ANKFY1: variants seen among roughly 807,000 people sequenced by gnomAD.
ANKFY1 encodes the protein ankyrin repeat and FYVE domain-containing protein 1.
Under a neutral mutation model 128.3 loss-of-function variants are expected in ANKFY1, and 47 were observed. The ratio of observed to expected loss-of-function variants is 0.37; its 90% CI spans 0.29 to 0.47. ANKFY1 has a LOEUF of 0.47. Ranked by LOEUF, ANKFY1 falls within the 20% of genes least tolerant of loss-of-function variation. ANKFY1 has a pLI of 1.00. For synonymous variants in ANKFY1, 553 were observed against 601.6 expected, an observed-to-expected ratio of 0.92 and a Z score of 1.18; for missense variants, 1,222 against 1,510.6, an observed-to-expected ratio of 0.81 and a Z score of 3.17.
chr17:4,251,760 C>T (rs1265462808), intron 1 of ANKFY1, among the ~76,000 whole-genome samples: 2 of 151,992 alleles, frequency 1.3e-5, no homozygotes, highest in South Asian at 2.1e-4. Flanking sequence ...CAACAAAAAA[C>T]GCCTCATTCC....
In ANKFY1 at chr17:4,194,985, C is replaced by T. The variant is rs370239349; in HGVS notation, c.1365G>A (p.Thr455=). The change falls in exon 10 of 25, where the codon ACG becomes ACA. Residue 455 remains threonine, a synonymous_variant. Coordinates refer to ENST00000341657, the MANE Select transcript of ANKFY1 (RefSeq NM_001330063.2). ...QRGSHTDAPD[T]ATGNCLLQRA... is the part of the protein sequence containing the mutation. Reference sequence around the variant, plus strand: ...GGGAGGCACGTGCTTTACCTGTCGCCGTGTCAGGTGCGTCTGTGTGGCTGC... The same window carrying T: ...GGGAGGCACGTGCTTTACCTGTCGCTGTGTCAGGTGCGTCTGTGTGGCTGC... 52 of 1,614,076 alleles carry T rather than the reference C, an allele frequency of 3.2e-5. No individual in the cohort carries two copies. Among genetic ancestry groups the T allele is most frequent in the Admixed American group, 1.7e-5 (1 of 60,008 alleles).
intron 2 of ANKFY1, 93 bp from the exon 3 acceptor site, chr17:4,235,983 C>G: frequency 1.2e-6 from 1 of 841,486 alleles, no homozygotes; most frequent in Non-Finnish European, 1.9e-6. Flanking sequence ...GAGTATTCAT[C>G]AACATACATC....
rs560442006 is a variant in ANKFY1 at position 4,173,783 on chromosome 17, TC to T, written c.2923+125del. ...GGTTGGATGCTCTACCCAGAGCACT[TC>T]CTGTCACAGCTTTGCTCCTGTAAAA... On this transcript the variant is annotated intron_variant, in intron 20 of 24. Transcript: ENST00000341657. 4.9e-4 allele frequency: 649 copies of T among 1,320,174 alleles called. 1 individual carries two copies. Among genetic ancestry groups the T allele is most frequent in the Non-Finnish European group, 6.3e-4 (602 of 957,556 alleles). The allele number at this position is 1,320,174 out of a possible 1,614,324, so 81.8% of individuals were successfully genotyped here. A position where few individuals can be genotyped will look rare whatever the true frequency, so the allele number is the denominator to read the frequency against.
intron 3 of ANKFY1, among the ~76,000 whole-genome samples, chr17:4,219,867 G>T (rs2060279954): frequency 6.6e-6 from 1 of 152,030 alleles, no homozygotes; most frequent in African/African-American, 2.4e-5. Context: ...TGTCACCCAG[G>T]CTGGAGTGCA....
At chr17:4,237,007 G>A (rs937666755) in intron 2 of ANKFY1, among the ~76,000 whole-genome samples, 1 of 151,960 alleles carries the variant, frequency 6.6e-6, no homozygotes, top group Admixed American at 6.6e-5. Flanking sequence ...ATGGTAGCAG[G>A]CACCTGTAAT....
In ANKFY1 at chr17:4,176,018, G is replaced by A. The variant is rs139999913; in HGVS notation, c.2775+1108C>T. On this transcript the variant is annotated intron_variant, in intron 19 of 24. Coordinates refer to ENST00000341657, the MANE Select transcript of ANKFY1 (RefSeq NM_001330063.2). Reference sequence around the variant, plus strand: ...CATAAAGACTGATGAACACGAGGCCGATTCCCTACGACTTTGGGACCCAGC... The same window carrying A: ...CATAAAGACTGATGAACACGAGGCCAATTCCCTACGACTTTGGGACCCAGC... 7.9e-5 allele frequency among the ~76,000 whole-genome samples: 12 copies of A among 152,248 alleles called. No individual in the cohort carries two copies. The East Asian group carries it at 1.9e-3, about 24-fold the overall frequency.
intron 19 of ANKFY1, among the ~76,000 whole-genome samples, chr17:4,176,125 C>T (rs2059407983): frequency 6.6e-6 from 1 of 152,230 alleles, no homozygotes; most frequent in African/African-American, 2.4e-5. Context: ...TCAGTTCACA[C>T]TCACTGCCAC....
intron 3 of ANKFY1, chr17:4,222,318 T>C (rs1327798371): frequency 1.4e-6 from 1 of 728,416 alleles, no homozygotes; most frequent in Non-Finnish European, 2.6e-6. Context: ...TCGGTCTTGA[T>C]GCAGAACTTT....
chr17:4,167,971 C>G lies in ANKFY1; in HGVS notation c.3378-60G>C, dbSNP rs145764044. The G allele has an allele frequency of 1.3e-6, 2 of 1,566,596 alleles. No homozygotes were observed. Among genetic ancestry groups the G allele is most frequent in the African/African-American group, 2.7e-5 (2 of 73,780 alleles). ...GCCAACGACAGACTCTGCTTCCTGG[C>G]ACGTGAGGACAACCGCAGCAGGGCC... On this transcript the variant is annotated intron_variant, in intron 24 of 24. Coordinates refer to ENST00000341657, the MANE Select transcript of ANKFY1 (RefSeq NM_001330063.2). The surrounding 1 kb of genome is among the most constrained non-coding windows in gnomAD (Gnocchi z 4.1).
intron 11 of ANKFY1, chr17:4,186,914 A>G: frequency 9.0e-7 from 1 of 1,114,372 alleles, no homozygotes. Flanking sequence ...TAGAAATTCA[A>G]AAATCACAAT....
At chr17:4,244,927 C>T (rs756758910) in intron 1 of ANKFY1, among the ~76,000 whole-genome samples, 1 of 152,060 alleles carries the variant, frequency 6.6e-6, no homozygotes, top group Non-Finnish European at 1.5e-5. Flanking sequence ...AATCCTCAGC[C>T]CCGCCATCTC....
rs149648208 is a variant in ANKFY1 at position 4,206,181 on chromosome 17, A to T, written c.898+140T>A. 557 of 942,308 alleles carry T rather than the reference A, an allele frequency of 5.9e-4. 2 individuals are homozygous for T. The African/African-American group carries it at 7.6e-3, about 13-fold the overall frequency. 58.4% of individuals were successfully genotyped at this position (942,308 alleles called of 1,614,324 possible). A position where few individuals can be genotyped will look rare whatever the true frequency, so the allele number is the denominator to read the frequency against. ...CTTGAGTGCTTCCTCTGACCCAATG[A>T]TCAAATTCTAGATCATGTAGCCTGT... On this transcript the variant is annotated intron_variant, in intron 7 of 24. Transcript: ENST00000341657.
chr17:4,236,123 C>A (rs558016664), intron 2 of ANKFY1, among the ~76,000 whole-genome samples: 1 of 152,184 alleles, frequency 6.6e-6, no homozygotes, highest in East Asian at 1.9e-4. Context: ...ACATGGCATG[C>A]GCTGCTTTCA....
At chr17:4,193,465 G>A (rs1282460836) in intron 10 of ANKFY1, among the ~76,000 whole-genome samples, 1 of 103,178 alleles carries the variant, frequency 9.7e-6, no homozygotes, top group African/African-American at 4.7e-5. Flanking sequence ...TTTCATTCTT[G>A]TTGCCCAGGC....
At chr17:4,262,434 G>C (rs576958356) in intron 1 of ANKFY1, among the ~76,000 whole-genome samples, 2 of 152,146 alleles carry the variant, frequency 1.3e-5, no homozygotes, top group East Asian at 3.9e-4. Flanking sequence ...GCTAACTTTC[G>C]TATTTTTTGT....
intron 7 of ANKFY1, among the ~76,000 whole-genome samples, chr17:4,199,931 G>A (rs532757639): frequency 3.3e-5 from 5 of 152,270 alleles, no homozygotes; most frequent in African/African-American, 9.6e-5. Context: ...GAATAGCAAA[G>A]CATCATAACA....
chr17:4,238,471 GT>G (rs902493825), intron 2 of ANKFY1, among the ~76,000 whole-genome samples: 226 of 144,840 alleles, frequency 1.6e-3, no homozygotes, highest in East Asian at 8.2e-3. Context: ...TAAACAGCAG[GT>G]TTTTTTTTTT....
Position 4,169,042 on chromosome 17 carries a change from A to T in ANKFY1, c.3377+156T>A, listed in dbSNP as rs1232926393. ...CCCTACATCTCTGTTCCTCAGTAGGATCCTTGGGTGTGCTCATCTCATCCC... is the reference window on the plus strand; with the variant it reads ...CCCTACATCTCTGTTCCTCAGTAGGTTCCTTGGGTGTGCTCATCTCATCCC... On this transcript the variant is annotated intron_variant, in intron 24 of 24. Coordinates refer to ENST00000341657, the MANE Select transcript of ANKFY1 (RefSeq NM_001330063.2). The surrounding 1 kb of genome is among the most constrained non-coding windows in gnomAD (Gnocchi z 5.0). 3 of 653,054 alleles carry T rather than the reference A, an allele frequency of 4.6e-6. No individual in the cohort carries two copies. The highest frequency in any genetic ancestry group is 8.1e-6 in the Non-Finnish European group (3 of 370,486). The allele number at this position is 653,054 out of a possible 1,614,324, so 40.5% of individuals were successfully genotyped here.
intron 3 of ANKFY1, among the ~76,000 whole-genome samples, chr17:4,226,971 A>T (rs944723335): frequency 6.6e-6 from 1 of 152,174 alleles, no homozygotes; most frequent in African/African-American, 2.4e-5. Flanking sequence ...CAAATTCAAC[A>T]ACTTAAATAG....
Sources: gnomAD v4.1 joint callset for allele counts (sites outside exome capture counted in the v4.1 genomes callset) on GRCh38, gnomAD v4.1.1 for gene constraint, Gnocchi (gnomAD v3.1) non-coding constraint, MANE v1.5 for transcripts, NCBI Gene and HGNC (gene_info 2026-07-23, HGNC 2026-07-21) for gene names.